STK38: variants seen among roughly 807,000 people sequenced by gnomAD.
STK38 encodes serine/threonine kinase 38.
A neutral mutation model predicts 59.0 loss-of-function variants in STK38; 26 were observed. The ratio of observed to expected loss-of-function variants is 0.44; its 90% confidence interval spans 0.32 to 0.61. STK38 has a LOEUF of 0.61. Among genes scored for constraint, STK38 ranks in the 20% least tolerant of loss-of-function variants. STK38 has a pLI of 0.04. For synonymous variants in STK38, 175 were observed against 176.6 expected (o/e 0.99, Z 0.07); for missense variants, 433 against 566.0 (o/e 0.76, Z 2.38).
At chr6:36,495,985 C>A in intron 13 of STK38, 71 bp from the exon 14 acceptor site, 6 of 1,564,502 alleles carry the variant, frequency 3.8e-6, no homozygotes, top group Non-Finnish European at 5.3e-6. Flanking sequence ...GTGCTGAAGA[C>A]AGGACTATGA....
rs1378142668 is a variant in STK38 at position 36,515,623 on chromosome 6, A to T, written c.515-131T>A. On this transcript the variant is annotated intron_variant, in intron 6 of 13. Transcript: ENST00000229812. ...CTGCCAAAATAAGGCGGCTAAACAG[A>T]CCTCTTCTGTGTGCCAGAGATAGAC... 2.0e-6 allele frequency: 3 copies of T among 1,470,950 alleles called. No individual in the cohort carries two copies. In the East Asian group the frequency reaches 7.4e-5, roughly 36 times the overall value. The allele number at this position is 1,470,950 out of a possible 1,614,324, so 91.1% of individuals were successfully genotyped here. A position where few individuals can be genotyped will look rare whatever the true frequency, so the allele number is the denominator to read the frequency against.
chr6:36,526,905 A>T (rs1233355648), intron 2 of STK38, among the ~76,000 whole-genome samples: 1 of 147,984 alleles, frequency 6.8e-6, no homozygotes, highest in Non-Finnish European at 1.5e-5. Context: ...CTCAAAAAAA[A>T]CAAAAAGGCC....
In STK38 at chr6:36,497,878, G is replaced by T. The variant is rs749730447; in HGVS notation, c.1077-3C>A. ...TATGTTCCCATTCACAGCAGAACCTGGAAAAGACAGAGGCCTTTCAGCACA... is the reference window on the plus strand; with the variant it reads ...TATGTTCCCATTCACAGCAGAACCTTGAAAAGACAGAGGCCTTTCAGCACA... On this transcript the variant is annotated splice_polypyrimidine_tract_variant and splice_region_variant and intron_variant, in intron 11 of 13. Transcript: ENST00000229812. 1 of 1,604,234 alleles carries T rather than the reference G, an allele frequency of 6.2e-7. No homozygotes were observed. Among genetic ancestry groups the T allele is most frequent in the South Asian group, 1.1e-5 (1 of 89,640 alleles).
chr6:36,508,309 A>G (rs752343457), intron 7 of STK38, among the ~76,000 whole-genome samples: 3 of 152,092 alleles, frequency 2.0e-5, no homozygotes, highest in Non-Finnish European at 2.9e-5. Context: ...CCATCCCCCT[A>G]ATACTGGATG....
At position 36,540,187 on chromosome 6, in the gene STK38, A is replaced by T. The variant is rs199711424; in HGVS notation, c.16T>A (p.Ser6Thr). MAMTG[S>T]TPCSSMSNHT... The stretch of plus-strand genomic sequence containing the variant: ...TTACTCATGGATGAGCAAGGTGTTG[A>T]GCCTGTCATTGCCATGGCTGCTAGA... The change falls in exon 2 of 14, where the codon TCA becomes ACA. Residue 6 changes from serine (S) to threonine (T), a missense_variant. By Grantham distance (58) the Ser-to-Thr change is moderately conservative. Transcript: ENST00000229812. 3.1e-6 allele frequency: 5 copies of T among 1,613,958 alleles called. No individual in the cohort carries two copies. The East Asian group carries it at 1.1e-4, about 36-fold the overall frequency.
At position 36,495,819 on chromosome 6, in the gene STK38, C is replaced by G. The variant is rs202246450; in HGVS notation, c.1363G>C (p.Gly455Arg). Residue 455 changes from glycine (G) to arginine (R), a missense_variant, in exon 14 of 14, where the codon GGG (glycine) becomes CGG (arginine). Transcript: ENST00000229812. ...YKRFEGLTAR[G>R]AIPSYMKAAK ...GCTTTCATGTAGGAAGGTATTGCCC[C>G]CCTTGCAGTCAGGCCCTCAAAGCGC... 6.2e-7 allele frequency: 1 copy of G among 1,614,058 alleles called. No homozygotes were observed. Among genetic ancestry groups the G allele is most frequent in the Non-Finnish European group, 8.5e-7 (1 of 1,179,972 alleles).
In STK38 at chr6:36,495,582, C is replaced by T. The variant is rs1753784340; in HGVS notation, c.*202G>A. On this transcript the variant is annotated 3_prime_UTR_variant, in exon 14 of 14. Transcript: ENST00000229812. ...AAGCAGGATAGCTGTTTATGGCCGA[C>T]GTAGTAGAAATGGTTGTCTTTGTTT... The T allele has an allele frequency of 8.8e-6, 5 of 568,220 alleles. No homozygotes were observed. Among genetic ancestry groups the T allele is most frequent in the Admixed American group, 3.3e-5 (1 of 30,492 alleles). The allele number at this position is 568,220 out of a possible 1,614,324, so 35.2% of individuals were successfully genotyped here.
In STK38 at chr6:36,507,465, A is replaced by G. The variant is rs1449349566; in HGVS notation, c.772+35T>C. ...GGAAACAGCTCTTCTAGGCCCAGTT[A>G]GAACGAAAAGGCTAACGTAATTGTT... is the stretch of plus-strand genomic sequence containing the variant. On this transcript the variant is annotated intron_variant, in intron 8 of 13. Transcript: ENST00000229812. The G allele has an allele frequency of 2.5e-6, 4 of 1,576,290 alleles. No homozygotes were observed. The African/African-American group carries it at 5.4e-5, about 21-fold the overall frequency.
At chr6:36,511,061 T>C (rs1197823885) in intron 7 of STK38, among the ~76,000 whole-genome samples, 32 of 152,174 alleles carry the variant, frequency 2.1e-4, no homozygotes, top group Admixed American at 2.0e-3. Context: ...GAGATCTACC[T>C]TGCTCAGGGT....
chr6:36,498,142 G>A (rs1035119075), intron 11 of STK38, among the ~76,000 whole-genome samples: 3 of 151,956 alleles, frequency 2.0e-5, no homozygotes, highest in African/African-American at 7.2e-5. Flanking sequence ...GTGTTGTCCA[G>A]GCTGGTCTCA....
chr6:36,498,084 T>A (rs1391512242), intron 11 of STK38, among the ~76,000 whole-genome samples: 1 of 151,704 alleles, frequency 6.6e-6, no homozygotes, highest in African/African-American at 2.4e-5. Context: ...GGACCACAGG[T>A]TCCACCACAC....
At chr6:36,521,892 C>T (rs569963711) in intron 4 of STK38, 75 bp from the exon 5 acceptor site, 2 of 1,130,988 alleles carry the variant, frequency 1.8e-6, no homozygotes, top group Admixed American at 2.3e-5. Flanking sequence ...TTATAGGATG[C>T]AATAATTAAC....
At chr6:36,536,939 T>C (rs1777806510) in intron 2 of STK38, among the ~76,000 whole-genome samples, 2 of 151,926 alleles carry the variant, frequency 1.3e-5, no homozygotes, top group African/African-American at 4.8e-5. Context: ...TTCATCAATA[T>C]TTAAAACCTC....
At position 36,504,265 on chromosome 6, in the gene STK38, T is replaced by C. The variant is rs141475156; in HGVS notation, c.834+2318A>G. 8.0e-3 allele frequency among the ~76,000 whole-genome samples: 1,216 copies of C among 152,348 alleles called. 7 individuals are homozygous for C. Among genetic ancestry groups the C allele is most frequent in the Non-Finnish European group, 0.011 (734 of 68,040 alleles). On this transcript the variant is annotated intron_variant, in intron 9 of 13. Transcript: ENST00000229812. Reference sequence around the variant, plus strand: ...TTAATCAGTTACTGGGGCCTAAGGTTATACAGGACGACATAACAATTTAAA... The same window carrying C: ...TTAATCAGTTACTGGGGCCTAAGGTCATACAGGACGACATAACAATTTAAA...
At chr6:36,540,686 G>A (rs1777913469) in intron 1 of STK38, among the ~76,000 whole-genome samples, 1 of 152,010 alleles carries the variant, frequency 6.6e-6, no homozygotes, top group Non-Finnish European at 1.5e-5. Flanking sequence ...GAGTGCGACA[G>A]GATGATCTTG....
chr6:36,496,685 G>A, intron 13 of STK38, 26 bp downstream of exon 13: 2 of 1,549,428 alleles, frequency 1.3e-6, no homozygotes, highest in Non-Finnish European at 8.9e-7. Context: ...TTATAAGGCA[G>A]CAGGAGACAA....
chr6:36,530,691 C>CTTTTT (rs760949624), intron 2 of STK38, among the ~76,000 whole-genome samples: 2 of 122,644 alleles, frequency 1.6e-5, no homozygotes, highest in Non-Finnish European at 3.3e-5. Flanking sequence ...CTTTTCTTTT[C>CTTTTT]TTTTTTTTTT....
intron 9 of STK38, among the ~76,000 whole-genome samples, chr6:36,500,596 C>G (rs1776813717): frequency 1.3e-5 from 2 of 151,668 alleles, no homozygotes; most frequent in South Asian, 4.2e-4. Context: ...CCCGTCTCTA[C>G]TAAAAATACA....
intron 2 of STK38, among the ~76,000 whole-genome samples, chr6:36,535,678 C>A (rs1057128859): frequency 6.6e-6 from 1 of 151,736 alleles, no homozygotes; most frequent in Non-Finnish European, 1.5e-5. Flanking sequence ...GAGATCGAGA[C>A]CATCCTGGCC....
Sources: allele counts gnomAD v4.1 joint callset (sites outside exome capture counted in the v4.1 genomes callset), GRCh38; gene constraint gnomAD v4.1.1; transcripts MANE v1.5; gene names NCBI Gene and HGNC (gene_info 2026-07-23, HGNC 2026-07-21).